KRT82: variants seen among roughly 807,000 people sequenced by gnomAD.
The protein encoded by KRT82 is keratin, type II cuticular Hb2.
In KRT82, 44 loss-of-function variants were observed where a neutral mutation model predicts 48.0. That is an observed-to-expected ratio of 0.92 (90% CI 0.72 to 1.18). KRT82 has a LOEUF of 1.18. KRT82 is among the 50% of genes most tolerant of loss of function. The pLI is 0.00. For missense variants in KRT82, 701 were observed against 671.4 expected (o/e 1.04, Z -0.49); for synonymous variants, 297 against 278.3 (o/e 1.07, Z -0.67).
At chr12:52,405,778 G>T in intron 1 of KRT82, 89 bp downstream of exon 1, 1 of 1,372,026 alleles carries the variant, frequency 7.3e-7, no homozygotes, top group Non-Finnish European at 9.9e-7. Flanking sequence ...CTCAATGTCA[G>T]TCTCCTCCTG....
At chr12:52,400,218 C>T (rs866754542) in intron 4 of KRT82, 69 bp from the exon 5 acceptor site, 3 of 1,472,488 alleles carry the variant, frequency 2.0e-6, no homozygotes, top group Middle Eastern at 3.6e-4. Context: ...AGGGGAGAAC[C>T]CGTTCTGACC....
intron 5 of KRT82, among the ~76,000 whole-genome samples, chr12:52,397,596 G>A (rs1939732404): frequency 2.6e-5 from 4 of 152,178 alleles, no homozygotes; most frequent in African/African-American, 9.7e-5. Flanking sequence ...TAAAAAATTA[G>A]CTGACTTTAG....
intron 8 of KRT82, 95 bp downstream of exon 8, chr12:52,395,664 A>G (rs1939702202): frequency 1.1e-6 from 1 of 881,582 alleles, no homozygotes; most frequent in Non-Finnish European, 1.8e-6. Flanking sequence ...TAGGGGAGGC[A>G]TCAGAGGTCT....
chr12:52,405,726 G>A, intron 1 of KRT82, 141 bp downstream of exon 1: 1 of 748,402 alleles, frequency 1.3e-6, no homozygotes, highest in South Asian at 2.1e-5. Flanking sequence ...AAGGCTGGTG[G>A]TCGTGGAATG....
rs773320303 is a variant in KRT82 at position 52,395,740 on chromosome 12, G to T, written c.1321+19C>A. 6.4e-6 allele frequency: 10 copies of T among 1,556,186 alleles called. No individual in the cohort carries two copies. Among genetic ancestry groups the T allele is most frequent in the Non-Finnish European group, 7.8e-6 (9 of 1,153,798 alleles). ...CCCCCAAGACTCCAGAGCCAGTGGG[G>T]CATGGCTCATCTACTTACAGATATT... is the stretch of plus-strand genomic sequence containing the variant. On this transcript the variant is annotated intron_variant, in intron 8 of 8. Transcript: ENST00000257974.
rs148502413 is a variant in KRT82, at chr12:52,403,760, G to A, written c.561C>T (p.Arg187=). ...RRQLDCVSGD[R]VRLESELCSL... ...TGCAGAGCTCTGACTCTAGCCTCAC[G>A]CGGTCCCCGGACACACAGTCCAGCT... is the stretch of plus-strand genomic sequence containing the variant. Residue 187 remains arginine (R), a synonymous_variant, in exon 2 of 9, where the codon CGC becomes CGT. Coordinates refer to ENST00000257974, the MANE Select transcript of KRT82 (RefSeq NM_033033.4). The A allele has an allele frequency of 6.8e-6, 11 of 1,613,244 alleles. No individual in the cohort carries two copies. Among genetic ancestry groups the A allele is most frequent in the Admixed American group, 3.3e-5 (2 of 60,006 alleles).
rs1311355500 is a variant in KRT82 at position 52,405,154 on chromosome 12, A to G, written c.411+713T>C. 2.0e-5 allele frequency among the ~76,000 whole-genome samples: 3 copies of G among 152,088 alleles called. No individual in the cohort carries two copies. The East Asian group carries it at 5.8e-4, about 29-fold the overall frequency. ...TTTCCTGCAGTGGGTGCTGTACTGT[A>G]GATGTGGGAATCTGCGCTCTTCCTG... On this transcript the variant is annotated intron_variant, in intron 1 of 8. Transcript: ENST00000257974.
rs953653876 is a variant in KRT82, at chr12:52,397,135, T to G, written c.943-127A>C. 7 of 1,198,232 alleles carry G rather than the reference T, an allele frequency of 5.8e-6. No homozygotes were observed. The African/African-American group carries it at 9.2e-5, about 16-fold the overall frequency. 74.2% of individuals were successfully genotyped at this position (1,198,232 alleles called of 1,614,324 possible). ...AGGTGTTCTCTGGTTCTCATACTGG[T>G]TCTGCTCCTTTACCTTCTTCCGCTT... On this transcript the variant is annotated intron_variant, in intron 5 of 8. Coordinates refer to ENST00000257974, the MANE Select transcript of KRT82 (RefSeq NM_033033.4).
At chr12:52,400,684 A>C (rs1054726501) in intron 3 of KRT82, 62 bp from the exon 4 acceptor site, 1 of 1,168,136 alleles carries the variant, frequency 8.6e-7, no homozygotes, top group Non-Finnish European at 1.3e-6. Flanking sequence ...AGCTGGTGGC[A>C]GGGGGAAGGC....
chr12:52,406,278 G>A lies in KRT82; in HGVS notation c.-1C>T. On this transcript the variant is annotated 5_prime_UTR_variant, in exon 1 of 9. Coordinates refer to ENST00000257974, the MANE Select transcript of KRT82 (RefSeq NM_033033.4). Reference sequence around the variant, plus strand: ...CTGGCTGGAAAGAGTGGTACGACATGGCAGGAGAGAGAGGCAGAGAAATGC... The same window carrying A: ...CTGGCTGGAAAGAGTGGTACGACATAGCAGGAGAGAGAGGCAGAGAAATGC... 6.3e-7 allele frequency: 1 copy of A among 1,580,984 alleles called. No individual in the cohort carries two copies. Among genetic ancestry groups the A allele is most frequent in the Non-Finnish European group, 8.6e-7 (1 of 1,161,196 alleles).
chr12:52,405,774 G>A lies in KRT82; in HGVS notation c.411+93C>T, dbSNP rs867439308. On this transcript the variant is annotated intron_variant, in intron 1 of 8. Transcript: ENST00000257974. ...CTGGATAAACTGAGGCCTCCTCAAT[G>A]TCAGTCTCCTCCTGGTTCCCTTGGA... 1.1e-5 allele frequency: 15 copies of A among 1,340,862 alleles called. 1 individual carries two copies. In the Middle Eastern group the frequency reaches 1.9e-3, roughly 167 times the overall value. 83.1% of individuals were successfully genotyped at this position (1,340,862 alleles called of 1,614,324 possible). A position where few individuals can be genotyped will look rare whatever the true frequency, so the allele number is the denominator to read the frequency against.
chr12:52,395,273 G>A (rs1023962403), intron 8 of KRT82, 78 bp from the exon 9 acceptor site: 1 of 1,220,958 alleles, frequency 8.2e-7, no homozygotes, highest in African/African-American at 1.5e-5. Flanking sequence ...ACTCAGCCAG[G>A]CCATTCCTCC....
At chr12:52,398,800 T>A (rs1225034676) in intron 5 of KRT82, among the ~76,000 whole-genome samples, 1 of 152,114 alleles carries the variant, frequency 6.6e-6, no homozygotes, top group Admixed American at 6.5e-5. Context: ...ACCCACTGCC[T>A]TCAGAACAAA....
At chr12:52,397,132 T>G (rs759429133) in intron 5 of KRT82, 124 bp from the exon 6 acceptor site, 15 of 1,235,882 alleles carry the variant, frequency 1.2e-5, no homozygotes, top group Non-Finnish European at 1.7e-5. Context: ...GTTCTCATAC[T>G]GGTTCTGCTC....
chr12:52,396,069 A>T lies in KRT82; in HGVS notation c.1232T>A (p.Leu411Gln). 1 of 1,614,098 alleles carries T rather than the reference A, an allele frequency of 6.2e-7. No homozygotes were observed. Among genetic ancestry groups the T allele is most frequent in the Non-Finnish European group, 8.5e-7 (1 of 1,180,008 alleles). ...GGTGGCGATCTCGATGTCCAGGCCCAGCTTGGAGTTCATCACCTCCTGATA... is the reference window on the plus strand; with the variant it reads ...GGTGGCGATCTCGATGTCCAGGCCCTGCTTGGAGTTCATCACCTCCTGATA... ...KEYQEVMNSK[L>Q]GLDIEIATYR... The change falls in exon 7 of 9, where the codon CTG (leucine) becomes CAG (glutamine). Residue 411 changes from leucine (L) to glutamine (Q), a missense_variant. Leu to Gln is a moderately radical substitution (Grantham distance 113). Transcript: ENST00000257974.
At chr12:52,403,662 C>T (rs1939816357) in intron 2 of KRT82, 39 bp downstream of exon 2, 4 of 1,295,892 alleles carry the variant, frequency 3.1e-6, no homozygotes, top group Non-Finnish European at 4.4e-6. Flanking sequence ...TGTCCCTTGC[C>T]CCAGGTCCAC....
intron 8 of KRT82, among the ~76,000 whole-genome samples, chr12:52,395,544 C>T (rs757586315): frequency 3.0e-4 from 46 of 152,260 alleles, no homozygotes; most frequent in South Asian, 1.4e-3. Context: ...GGCCCTGAAG[C>T]ACTTGGACCA....
intron 8 of KRT82, among the ~76,000 whole-genome samples, 183 bp from the exon 9 acceptor site, chr12:52,395,378 T>G (rs1939699191): frequency 6.6e-6 from 1 of 152,130 alleles, no homozygotes; most frequent in African/African-American, 2.4e-5. Context: ...AAGGTCCCCA[T>G]GCACCTCTCT....
chr12:52,400,546 A>T lies in KRT82; in HGVS notation c.758T>A (p.Leu253Gln), dbSNP rs1305424526. 1 of 1,613,892 alleles carries T rather than the reference A, an allele frequency of 6.2e-7. No homozygotes were observed. The highest frequency in any genetic ancestry group is 2.2e-5 in the East Asian group (1 of 44,866). ...GGGTACCTCCTCATACAGGCTTTTC[A>T]GGAAGTCGATCTCCTGCACGAGTGC... ...AEALVQEIDF[L>Q]KSLYEEEICL... Residue 253 changes from leucine (L) to glutamine (Q), a missense_variant, in exon 4 of 9, where the codon CTG (leucine) becomes CAG (glutamine). Transcript: ENST00000257974.
Sources: allele counts gnomAD v4.1 joint callset (sites outside exome capture counted in the v4.1 genomes callset), GRCh38; gene constraint gnomAD v4.1.1; transcripts MANE v1.5; gene names NCBI Gene and HGNC (gene_info 2026-07-23, HGNC 2026-07-21).